Variants in MYO9A observed in about 807,000 individuals in gnomAD.
The protein encoded by MYO9A is unconventional myosin-IXa.
MYO9A carries 103 observed loss-of-function variants against 293.3 expected under a neutral mutation model. That is an observed-to-expected ratio of 0.35 (90% CI 0.30 to 0.41). The LOEUF is 0.41. Among genes scored for constraint, MYO9A ranks in the 10% least tolerant of loss-of-function variants. The pLI is 1.00. For synonymous variants in MYO9A, 1,001 were observed against 1,035.7 expected (o/e 0.97, Z 0.64); for missense variants, 2,685 against 3,033.0 (o/e 0.89, Z 2.69).
intron 14 of MYO9A, 39 bp from the exon 15 acceptor site, chr15:71,951,935 A>G: frequency 6.4e-7 from 1 of 1,554,296 alleles, no homozygotes; most frequent in Non-Finnish European, 8.6e-7. Context: ...AAAAAAGGAG[A>G]AAAGAAAAAG....
intron 16 of MYO9A, 172 bp downstream of exon 16, chr15:71,938,680 C>T: frequency 2.2e-6 from 1 of 461,308 alleles, no homozygotes. Context: ...GTAGACAAAT[C>T]TTGTTAACTT....
At chr15:72,034,110 C>T (rs2077965441) in intron 2 of MYO9A, among the ~76,000 whole-genome samples, 1 of 152,176 alleles carries the variant, frequency 6.6e-6, no homozygotes, top group South Asian at 2.1e-4. Flanking sequence ...GCTGATGCCC[C>T]GGCAACTACA....
chr15:72,041,679 T>C (rs1566975467), intron 2 of MYO9A: 2 of 208,054 alleles, frequency 9.6e-6, no homozygotes, highest in African/African-American at 2.3e-5. Flanking sequence ...TGGTAGTTTT[T>C]CCGTGGGAAC....
rs1334029675 is a variant in MYO9A, at chr15:71,822,739, GATAA to G, written c.*3837_*3840del. On this transcript the variant is annotated 3_prime_UTR_variant, in exon 42 of 42. Coordinates refer to ENST00000356056, the MANE Select transcript of MYO9A (RefSeq NM_006901.4). ...AACTTTTATATGACCTCAGAGGGCT[GATAA>G]ATAGGCATTAAGAATGGATGACTAG... 1 of 152,176 alleles carries G rather than the reference GATAA, an allele frequency of 6.6e-6. No homozygotes were observed. The highest frequency in any genetic ancestry group is 2.4e-5 in the African/African-American group (1 of 41,448). The allele number at this position is 152,176 out of a possible 1,614,324, so 9.4% of individuals were successfully genotyped here.
chr15:72,032,055 C>A (rs1397821263), intron 3 of MYO9A, among the ~76,000 whole-genome samples: 10 of 151,964 alleles, frequency 6.6e-5, no homozygotes, highest in Admixed American at 6.6e-4. Flanking sequence ...TACAGGTTTG[C>A]GCCACTGTGC....
chr15:71,894,656 T>C (rs1368613737), intron 25 of MYO9A, among the ~76,000 whole-genome samples: 1 of 152,196 alleles, frequency 6.6e-6, no homozygotes, highest in Non-Finnish European at 1.5e-5. Flanking sequence ...AAGAAATTGT[T>C]ATCAAACTAA....
intron 26 of MYO9A, chr15:71,890,617 CA>C (rs1037259905): frequency 6.6e-6 from 1 of 152,136 alleles, no homozygotes; most frequent in African/African-American, 2.4e-5. Flanking sequence ...AACAGTTATT[CA>C]AACGGCAGCG....
chr15:71,885,632 C>G (rs1345308376), intron 27 of MYO9A, among the ~76,000 whole-genome samples: 1 of 152,102 alleles, frequency 6.6e-6, no homozygotes, highest in African/African-American at 2.4e-5. Context: ...CCTTTTGTCT[C>G]TTTTGTTTCA....
chr15:71,946,835 C>T (rs535138595), intron 15 of MYO9A, among the ~76,000 whole-genome samples: 14 of 152,252 alleles, frequency 9.2e-5, no homozygotes, highest in Admixed American at 2.6e-4. Flanking sequence ...AGCTTTAGGC[C>T]GGATGTAGTG....
intron 1 of MYO9A, among the ~76,000 whole-genome samples, chr15:72,065,919 T>G (rs1173765465): frequency 6.6e-6 from 1 of 152,212 alleles, no homozygotes; most frequent in Admixed American, 6.5e-5. Flanking sequence ...GACTTATACT[T>G]CCGCAACCAT....
Position 72,041,321 on chromosome 15 carries a change from C to G in MYO9A, c.840+4403G>C, listed in dbSNP as rs144764610. ...GTTCACTTTCTGGCAGTTTAAGATC[C>G]TCAGGAACTTCATCAGCTTCTGTCG... On this transcript the variant is annotated intron_variant, in intron 2 of 41. Coordinates refer to ENST00000356056, the MANE Select transcript of MYO9A (RefSeq NM_006901.4). 6,366 of 687,392 alleles carry G rather than the reference C, an allele frequency of 9.3e-3. 60 individuals are homozygous for G. Among genetic ancestry groups the G allele is most frequent in the African/African-American group, 0.021 (1,138 of 55,428 alleles). The allele number at this position is 687,392 out of a possible 1,614,324, so 42.6% of individuals were successfully genotyped here. A position where few individuals can be genotyped will look rare whatever the true frequency, so the allele number is the denominator to read the frequency against.
chr15:72,086,255 A>G (rs1484763804), intron 1 of MYO9A, among the ~76,000 whole-genome samples: 1 of 152,166 alleles, frequency 6.6e-6, no homozygotes, highest in South Asian at 2.1e-4. Context: ...ACTGGCAACT[A>G]TGCATGTGGT....
intron 39 of MYO9A, among the ~76,000 whole-genome samples, chr15:71,838,444 C>G (rs933252621): frequency 6.6e-6 from 1 of 152,064 alleles, no homozygotes; most frequent in Admixed American, 6.5e-5. Context: ...TGATCACAGA[C>G]TACATGAATA....
intron 11 of MYO9A, among the ~76,000 whole-genome samples, chr15:71,989,051 C>T (rs2076474077): frequency 6.6e-6 from 1 of 152,108 alleles, no homozygotes; most frequent in African/African-American, 2.4e-5. Context: ...CCTGTCACCA[C>T]ACACGGCTAA....
chr15:71,849,918 A>C, intron 38 of MYO9A, 118 bp downstream of exon 38: 5 of 1,311,474 alleles, frequency 3.8e-6, no homozygotes, highest in South Asian at 2.8e-5. Context: ...AGTGTCCAAC[A>C]ATCTTCTTAA....
At chr15:71,951,737 T>G (rs2146569405) in intron 15 of MYO9A, 40 bp downstream of exon 15, 2 of 1,612,128 alleles carry the variant, frequency 1.2e-6, no homozygotes, top group South Asian at 2.2e-5. Flanking sequence ...CATTTCCAAA[T>G]GGATATGTGA....
At chr15:72,028,539 C>A (rs1449498642) in intron 3 of MYO9A, among the ~76,000 whole-genome samples, 6 of 151,150 alleles carry the variant, frequency 4.0e-5, no homozygotes, top group Non-Finnish European at 5.9e-5. Flanking sequence ...CCCAGCTACT[C>A]GGAAGGCTAA....
At chr15:72,028,696 A>C (rs2077764319) in intron 3 of MYO9A, among the ~76,000 whole-genome samples, 1 of 75,382 alleles carries the variant, frequency 1.3e-5, no homozygotes. Context: ...TCCCTGAAGA[A>C]AGACTCTACA....
rs182607467 is a variant in MYO9A, at chr15:71,843,812, G to C, written c.6837+5033C>G. Reference sequence around the variant, plus strand: ...TATTGAGAACCTTGAAGACGACCCAGGAGGAAATTGTTTTTATGGCTAAAA... The same window carrying C: ...TATTGAGAACCTTGAAGACGACCCACGAGGAAATTGTTTTTATGGCTAAAA... On this transcript the variant is annotated intron_variant, in intron 39 of 41. Transcript: ENST00000356056. 2.3e-3 allele frequency among the ~76,000 whole-genome samples: 345 copies of C among 152,252 alleles called. 1 individual carries two copies. The highest frequency in any genetic ancestry group is 3.4e-3 in the Non-Finnish European group (233 of 68,012).
Sources: allele counts gnomAD v4.1 joint callset (sites outside exome capture counted in the v4.1 genomes callset), GRCh38; gene constraint gnomAD v4.1.1; transcripts MANE v1.5; gene names NCBI Gene and HGNC (gene_info 2026-07-23, HGNC 2026-07-21).